Variants in HIKESHI observed in about 807,000 individuals in gnomAD.
The protein encoded by HIKESHI is protein Hikeshi.
HIKESHI carries 13 observed loss-of-function variants against 25.7 expected under a neutral mutation model. That is an observed-to-expected ratio of 0.51 (90% CI 0.33 to 0.80). The LOEUF (loss-of-function observed/expected upper bound fraction) is 0.80, where lower values mean the gene tolerates loss of function less well. HIKESHI is among the 30% of genes least tolerant of loss of function. HIKESHI has a pLI of 0.02. For synonymous variants in HIKESHI, 76 were observed against 78.7 expected (o/e 0.97, Z 0.18); for missense variants, 174 against 229.5 (o/e 0.76, Z 1.56).
At chr11:86,342,217 T>C (rs1947750101) in intron 3 of HIKESHI, among the ~76,000 whole-genome samples, 1 of 152,224 alleles carries the variant, frequency 6.6e-6, no homozygotes, top group Non-Finnish European at 1.5e-5. Flanking sequence ...CTTTTGGCAC[T>C]TTTTAAATTT....
chr11:86,318,017 C>T (rs1019971454), intron 2 of HIKESHI, among the ~76,000 whole-genome samples: 5 of 151,816 alleles, frequency 3.3e-5, no homozygotes, highest in African/African-American at 1.2e-4. Context: ...AGATTGAAAT[C>T]CTGAAGGCCG....
intron 3 of HIKESHI, among the ~76,000 whole-genome samples, chr11:86,337,812 C>T (rs186691451): frequency 1.7e-3 from 264 of 152,174 alleles, no homozygotes; most frequent in Admixed American, 4.2e-3. Flanking sequence ...CACATGTCAC[C>T]ACACCCGGCT....
chr11:86,318,492 C>A (rs1947058522), intron 2 of HIKESHI, among the ~76,000 whole-genome samples: 1 of 151,680 alleles, frequency 6.6e-6, no homozygotes. Flanking sequence ...GAGAAAGAGG[C>A]AAAGTTATTC....
chr11:86,320,530 C>T (rs113336779), intron 2 of HIKESHI, among the ~76,000 whole-genome samples: 12 of 152,316 alleles, frequency 7.9e-5, no homozygotes, highest in African/African-American at 1.4e-4. Flanking sequence ...GAGCCAAGAT[C>T]GTGCCATTGC....
At position 86,332,095 on chromosome 11, in the gene HIKESHI, G is replaced by A. The variant is rs536113465; in HGVS notation, c.269-5284G>A. On this transcript the variant is annotated intron_variant, in intron 2 of 4. Transcript: ENST00000278483. ...CCTGCCTCAGCCTCCCGAGTAGCTG[G>A]GACTACAGGCGCCTGCCACCATGCC... Among the ~76,000 whole-genome samples the A allele has an allele frequency of 2.6e-5, 4 of 151,754 alleles. No homozygotes were observed. The East Asian group carries it at 7.8e-4, about 29-fold the overall frequency.
chr11:86,334,234 A>ATGTGTGTG (rs1555186477), intron 2 of HIKESHI, among the ~76,000 whole-genome samples: 5 of 125,840 alleles, frequency 4.0e-5, no homozygotes, highest in African/African-American at 9.7e-5. Context: ...TCTTTGTAAA[A>ATGTGTGTG]TATGTGTGTG....
At chr11:86,315,422 G>A (rs989263225) in intron 2 of HIKESHI, among the ~76,000 whole-genome samples, 2 of 151,850 alleles carry the variant, frequency 1.3e-5, no homozygotes, top group African/African-American at 4.8e-5. Flanking sequence ...CTGGGTTCAA[G>A]CAGTGCTCCC....
intron 2 of HIKESHI, among the ~76,000 whole-genome samples, chr11:86,311,266 A>C (rs1422277269): frequency 1.3e-5 from 2 of 152,154 alleles, no homozygotes; most frequent in African/African-American, 2.4e-5. Context: ...CAGGGATTCA[A>C]CTTCTTCCTG....
intron 1 of HIKESHI, among the ~76,000 whole-genome samples, chr11:86,303,817 GA>G (rs1312463141): frequency 3.3e-5 from 5 of 152,098 alleles, no homozygotes; most frequent in Non-Finnish European, 5.9e-5. Context: ...TATTTCTTAA[GA>G]TTTTTTTTCT....
At chr11:86,312,734 C>G (rs908426637) in intron 2 of HIKESHI, among the ~76,000 whole-genome samples, 1 of 152,110 alleles carries the variant, frequency 6.6e-6, no homozygotes. Flanking sequence ...CCTTCAGGAG[C>G]TCTTATAAGG....
At chr11:86,314,592 G>T (rs546544714) in intron 2 of HIKESHI, among the ~76,000 whole-genome samples, 3 of 152,140 alleles carry the variant, frequency 2.0e-5, no homozygotes, top group African/African-American at 7.2e-5. Context: ...TTGCACTCCA[G>T]CCTGGGTGAC....
intron 1 of HIKESHI, chr11:86,303,489 G>T: frequency 1.4e-6 from 1 of 722,248 alleles, no homozygotes; most frequent in Non-Finnish European, 1.7e-6. Context: ...GCTCTTAATA[G>T]GGAAAAAGGA....
chr11:86,338,220 G>A (rs1194275894), intron 3 of HIKESHI, among the ~76,000 whole-genome samples: 1 of 151,886 alleles, frequency 6.6e-6, no homozygotes, highest in African/African-American at 2.4e-5. Flanking sequence ...TCATTCTACT[G>A]TCTGCTTCTG....
At chr11:86,313,082 C>G (rs1000462158) in intron 2 of HIKESHI, among the ~76,000 whole-genome samples, 1 of 151,892 alleles carries the variant, frequency 6.6e-6, no homozygotes, top group Non-Finnish European at 1.5e-5. Flanking sequence ...TTTGCAGAGC[C>G]GTAATTCTTT....
chr11:86,320,277 T>C (rs955550985), intron 2 of HIKESHI, among the ~76,000 whole-genome samples: 8 of 152,220 alleles, frequency 5.3e-5, no homozygotes, highest in African/African-American at 1.9e-4. Context: ...TCTTAAGAAA[T>C]CTTGTAAAGA....
chr11:86,337,294 T>G, intron 2 of HIKESHI, 85 bp from the exon 3 acceptor site: 1 of 1,313,144 alleles, frequency 7.6e-7, no homozygotes, highest in Non-Finnish European at 1.0e-6. Context: ...TGTATATAAA[T>G]TAGAGGTTCT....
chr11:86,324,989 C>G (rs532270082), intron 2 of HIKESHI, among the ~76,000 whole-genome samples: 1 of 151,664 alleles, frequency 6.6e-6, no homozygotes, highest in Non-Finnish European at 1.5e-5. Flanking sequence ...GACCAACCTG[C>G]GTAACACAGT....
intron 2 of HIKESHI, among the ~76,000 whole-genome samples, chr11:86,337,040 T>G (rs1947582753): frequency 6.6e-6 from 1 of 152,158 alleles, no homozygotes; most frequent in South Asian, 2.1e-4. Flanking sequence ...AACTAAGTCA[T>G]TGCTGGCAGA....
At chr11:86,333,254 G>T in intron 2 of HIKESHI, among the ~76,000 whole-genome samples, 1 of 152,130 alleles carries the variant, frequency 6.6e-6, no homozygotes, top group East Asian at 1.9e-4. Flanking sequence ...GAAAATATGA[G>T]GCCGGGTGCG....
Sources: allele counts gnomAD v4.1 joint callset (sites outside exome capture counted in the v4.1 genomes callset), GRCh38; gene constraint gnomAD v4.1.1; transcripts MANE v1.5; gene names NCBI Gene and HGNC (gene_info 2026-07-23, HGNC 2026-07-21).